The following SLC9C2 variants were observed in gnomAD, a reference collection of about 807,000 sequenced individuals.
SLC9C2 encodes the protein sodium/hydrogen exchanger 11.
A neutral mutation model predicts 140.2 loss-of-function variants in SLC9C2; 75 were observed. The observed-to-expected ratio is 0.53, with a 90% CI of 0.44 to 0.65. The LOEUF (loss-of-function observed/expected upper bound fraction) is 0.65, where lower values mean the gene tolerates loss of function less well. Ranked by LOEUF, SLC9C2 falls within the 30% of genes least tolerant of loss-of-function variation. SLC9C2 has a pLI of 0.00. For synonymous variants in SLC9C2, 375 were observed against 420.9 expected, an observed-to-expected ratio of 0.89 and a Z score of 1.34; for missense variants, 1,074 against 1,331.8, an observed-to-expected ratio of 0.81 and a Z score of 3.01.
chr1:173,557,600 A>G (rs1663802161), intron 9 of SLC9C2, 92 bp from the exon 10 acceptor site: 1 of 1,254,192 alleles, frequency 8.0e-7, no homozygotes, highest in African/African-American at 1.6e-5. Context: ...AATTTAATAT[A>G]AAAATTTTCG....
At chr1:173,576,441 G>A (rs1665183318) in intron 8 of SLC9C2, among the ~76,000 whole-genome samples, 1 of 152,102 alleles carries the variant, frequency 6.6e-6, no homozygotes, top group African/African-American at 2.4e-5. Flanking sequence ...AAACACCATG[G>A]TTTCTGAGCC....
chr1:173,533,361 C>T (rs1302213324), intron 17 of SLC9C2, among the ~76,000 whole-genome samples: 1 of 152,162 alleles, frequency 6.6e-6, no homozygotes, highest in African/African-American at 2.4e-5. Context: ...CTCACTGCAG[C>T]CTCACCTCCT....
chr1:173,558,363 C>A (rs1383774715), intron 9 of SLC9C2, among the ~76,000 whole-genome samples: 2 of 152,152 alleles, frequency 1.3e-5, no homozygotes, highest in Non-Finnish European at 2.9e-5. Context: ...TACTAAATAA[C>A]CTTTCCCTAA....
intron 21 of SLC9C2, among the ~76,000 whole-genome samples, chr1:173,523,539 A>G (rs1261825474): frequency 6.6e-6 from 1 of 152,212 alleles, no homozygotes; most frequent in East Asian, 1.9e-4. Context: ...CCGTCAGCTG[A>G]CAGAGCATGA....
chr1:173,560,806 TG>T (rs759554899), intron 9 of SLC9C2, among the ~76,000 whole-genome samples: 31 of 152,168 alleles, frequency 2.0e-4, no homozygotes, highest in Non-Finnish European at 4.3e-4. Flanking sequence ...TAATTTTTAT[TG>T]TTTTTTTTAG....
At chr1:173,541,662 T>C (rs999120560) in intron 13 of SLC9C2, among the ~76,000 whole-genome samples, 5 of 152,328 alleles carry the variant, frequency 3.3e-5, no homozygotes, top group Middle Eastern at 3.4e-3. Context: ...AAACTGTCTC[T>C]CAGACCACAG....
At chr1:173,575,838 A>G (rs146767235) in intron 8 of SLC9C2, among the ~76,000 whole-genome samples, 6,738 of 152,212 alleles carry the variant, frequency 0.044, 240 homozygotes, top group Non-Finnish European at 0.07. Context: ...TCGGCCTCCC[A>G]AAGTGCTGGG....
At chr1:173,573,051 G>A (rs1050647055) in intron 9 of SLC9C2, 131 bp downstream of exon 9, 1 of 586,144 alleles carries the variant, frequency 1.7e-6, no homozygotes, top group African/African-American at 1.9e-5. Context: ...TATTGTCAAG[G>A]CCTTGATAAC....
In SLC9C2 at chr1:173,583,557, T is replaced by C. The variant is rs1204137187; in HGVS notation, c.589A>G (p.Ile197Val). 1.2e-6 allele frequency: 2 copies of C among 1,610,656 alleles called. No homozygotes were observed. Among genetic ancestry groups the C allele is most frequent in the Non-Finnish European group, 8.5e-7 (1 of 1,178,376 alleles). ...TTGCCCCGAAAATTTCCAAAAAAAA[T>C]TGATGCGATGCTACAAATGATCAAT... ...ESLIICSIAS[I>V]FFGNFRGNRI... is the part of the protein sequence containing the mutation. The change falls in exon 6 of 28, where the codon ATT becomes GTT. Residue 197 changes from isoleucine to valine, a missense_variant. Transcript: ENST00000367714.
At chr1:173,550,194 G>T (rs1051701573) in intron 11 of SLC9C2, among the ~76,000 whole-genome samples, 2 of 152,074 alleles carry the variant, frequency 1.3e-5, no homozygotes, top group South Asian at 4.2e-4. Context: ...TTGAGCCCAG[G>T]AATTCAAGAC....
Position 173,551,825 on chromosome 1 carries a change from TTCA to T in SLC9C2, c.1297+2905_1297+2907del, listed in dbSNP as rs1433959634. ...ATAACCCTACAATGGCTTCTAAGTGTTCAAGTGAAAGTAAGAGTCATACATCTC... is the reference window on the plus strand; with the variant it reads ...ATAACCCTACAATGGCTTCTAAGTGTAGTGAAAGTAAGAGTCATACATCTC... On this transcript the variant is annotated intron_variant, in intron 11 of 27. Transcript: ENST00000367714. Among the ~76,000 whole-genome samples the T allele has an allele frequency of 2.6e-5, 4 of 152,112 alleles. No individual in the cohort carries two copies. In the East Asian group the frequency reaches 7.7e-4, roughly 29 times the overall value.
In SLC9C2 at chr1:173,574,672, G is replaced by A. The variant is rs1053643654; in HGVS notation, c.903-1347C>T. Among the ~76,000 whole-genome samples, 14 of 151,412 alleles carry A rather than the reference G, an allele frequency of 9.2e-5. 1 individual carries two copies. Among genetic ancestry groups the A allele is most frequent in the South Asian group, 8.5e-4 (4 of 4,688 alleles). On this transcript the variant is annotated intron_variant, in intron 8 of 27. Coordinates refer to ENST00000367714, the MANE Select transcript of SLC9C2 (RefSeq NM_178527.4). ...ACTACAGGCACCCGCCACCACGCCC[G>A]GCTAATTTTTTGTATTTTTAGTAGA... is the stretch of plus-strand genomic sequence containing the variant.
intron 27 of SLC9C2, among the ~76,000 whole-genome samples, chr1:173,502,600 C>T (rs1482945595): frequency 6.6e-6 from 1 of 152,142 alleles, no homozygotes; most frequent in Non-Finnish European, 1.5e-5. Context: ...GGCGTGACTT[C>T]CAGCCTTCTC....
At chr1:173,581,244 G>T (rs575736118) in intron 7 of SLC9C2, among the ~76,000 whole-genome samples, 1 of 152,110 alleles carries the variant, frequency 6.6e-6, no homozygotes, top group Non-Finnish European at 1.5e-5. Flanking sequence ...CTTAGGGACC[G>T]GGCACCTCAG....
chr1:173,509,556 C>T lies in SLC9C2; in HGVS notation c.3039+12G>A. ...AAATTCAATTTATTAATATTTTAAT[C>T]ACATAACTTACCTCATCAATAAGAC... On this transcript the variant is annotated intron_variant, in intron 24 of 27. Coordinates refer to ENST00000367714, the MANE Select transcript of SLC9C2 (RefSeq NM_178527.4). 1 of 1,501,826 alleles carries T rather than the reference C, an allele frequency of 6.7e-7. No individual in the cohort carries two copies. The highest frequency in any genetic ancestry group is 8.9e-7 in the Non-Finnish European group (1 of 1,128,800). The allele number at this position is 1,501,826 out of a possible 1,614,324, so 93.0% of individuals were successfully genotyped here.
At chr1:173,591,636 G>C (rs1666169713) in intron 4 of SLC9C2, among the ~76,000 whole-genome samples, 1 of 152,066 alleles carries the variant, frequency 6.6e-6, no homozygotes, top group Non-Finnish European at 1.5e-5. Context: ...GTGATGTTGA[G>C]CTTTTTTTCA....
intron 7 of SLC9C2, among the ~76,000 whole-genome samples, chr1:173,578,394 C>T (rs1215711625): frequency 6.6e-6 from 1 of 152,222 alleles, no homozygotes; most frequent in Non-Finnish European, 1.5e-5. Context: ...AGAATTTTAT[C>T]TGCATTTTCG....
At chr1:173,513,114 TTTG>T (rs375485855) in intron 23 of SLC9C2, among the ~76,000 whole-genome samples, 4 of 151,974 alleles carry the variant, frequency 2.6e-5, no homozygotes, top group Admixed American at 6.6e-5. Flanking sequence ...AAGTTTTCTT[TTTG>T]TTGTTGTTGT....
At chr1:173,587,876 T>TA (rs762126908) in intron 4 of SLC9C2, 46 bp from the exon 5 acceptor site, 2 of 1,398,606 alleles carry the variant, frequency 1.4e-6, no homozygotes, top group Non-Finnish European at 2.0e-6. Context: ...CATCTAAAGA[T>TA]GGCATGATGG....
Sources: gnomAD v4.1 joint callset for allele counts (sites outside exome capture counted in the v4.1 genomes callset) on GRCh38, gnomAD v4.1.1 for gene constraint, MANE v1.5 for transcripts, NCBI Gene and HGNC (gene_info 2026-07-23, HGNC 2026-07-21) for gene names.